GTF2H3: variants seen among roughly 807,000 people sequenced by gnomAD.
GTF2H3 encodes TFIIH basal transcription factor complex p34 subunit.
GTF2H3 carries 42 observed loss-of-function variants against 51.1 expected under a neutral mutation model. The ratio of observed to expected loss-of-function variants is 0.82; its 90% confidence interval spans 0.64 to 1.06. The LOEUF is 1.06. GTF2H3 is among the 50% of genes least tolerant of loss of function. The pLI is 0.00. For missense variants in GTF2H3, 326 were observed against 366.1 expected (o/e 0.89, Z 0.89); for synonymous variants, 123 against 123.8 (o/e 0.99, Z 0.04).
chr12:123,652,621 T>C (rs1593808878), intron 6 of GTF2H3, 60 bp downstream of exon 6: 2 of 1,509,766 alleles, frequency 1.3e-6, no homozygotes, highest in East Asian at 4.6e-5. Flanking sequence ...AGTATTTCTT[T>C]ACTAGACTGT....
chr12:123,650,913 C>T lies in GTF2H3; in HGVS notation c.365-81C>T, dbSNP rs11572967. The T allele has an allele frequency of 1.8e-4, 153 of 837,748 alleles. 1 individual carries two copies. In the African/African-American group the frequency reaches 2.2e-3, roughly 12 times the overall value. The allele number at this position is 837,748 out of a possible 1,614,324, so 51.9% of individuals were successfully genotyped here. ...AAGAATGCTTTGGTGTGAAAGCATA[C>T]TTAGTTCAATAAAGCACCCAATGAT... On this transcript the variant is annotated intron_variant, in intron 4 of 12. Coordinates refer to ENST00000543341, the MANE Select transcript of GTF2H3 (RefSeq NM_001516.5).
chr12:123,643,034 G>T (rs932680825), intron 2 of GTF2H3, among the ~76,000 whole-genome samples: 1 of 152,086 alleles, frequency 6.6e-6, no homozygotes, highest in African/African-American at 2.4e-5. Context: ...ACCATGCCCA[G>T]CTAATTTTTT....
Position 123,633,869 on chromosome 12 carries a change from G to A in GTF2H3, c.10G>A (p.Asp4Asn). Residue 4 changes from aspartate (D) to asparagine (N), a missense_variant, in exon 1 of 13, where the codon GAC becomes AAC. Asp to Asn is a conservative substitution (Grantham distance 23, BLOSUM62 1). Transcript: ENST00000543341. Reference sequence around the variant, plus strand: ...AGGTGCTGGGACAGCCATGGTTTCAGACGGTGAGGACCCTGCAGGGCGGGA... The same window carrying A: ...AGGTGCTGGGACAGCCATGGTTTCAAACGGTGAGGACCCTGCAGGGCGGGA... MVSDEDELNLLVIV... is the reference protein window; with the variant it reads MVSNEDELNLLVIV... The A allele has an allele frequency of 8.1e-6, 13 of 1,613,528 alleles. No individual in the cohort carries two copies. Among genetic ancestry groups the A allele is most frequent in the Non-Finnish European group, 1.1e-5 (13 of 1,180,022 alleles).
chr12:123,655,665 T>C, intron 8 of GTF2H3, 106 bp from the exon 9 acceptor site: 1 of 699,068 alleles, frequency 1.4e-6, no homozygotes, highest in Admixed American at 2.2e-5. Context: ...ACGTTGCATA[T>C]TGAGTGAGCT....
At position 123,654,911 on chromosome 12, in the gene GTF2H3, CTG is replaced by C. The variant is rs781144207; in HGVS notation, c.487-10_487-9del. ...ATGTGCCTGGGTGGAATTAACATGACTGTGATTTTTAGGTGATTAAGGCTGCA... is the reference window on the plus strand; with the variant it reads ...ATGTGCCTGGGTGGAATTAACATGACTGATTTTTAGGTGATTAAGGCTGCA... On this transcript the variant is annotated splice_polypyrimidine_tract_variant and intron_variant, in intron 7 of 12. Coordinates refer to ENST00000543341, the MANE Select transcript of GTF2H3 (RefSeq NM_001516.5). 1.9e-6 allele frequency: 3 copies of C among 1,598,458 alleles called. No homozygotes were observed. Among genetic ancestry groups the C allele is most frequent in the Non-Finnish European group, 2.6e-6 (3 of 1,165,810 alleles).
intron 7 of GTF2H3, 123 bp from the exon 8 acceptor site, chr12:123,654,801 A>G (rs1955566008): frequency 1.4e-6 from 1 of 710,820 alleles, no homozygotes; most frequent in Non-Finnish European, 2.6e-6. Context: ...GGTATCATTT[A>G]ACAATGATAA....
intron 9 of GTF2H3, 124 bp downstream of exon 9, chr12:123,655,948 T>G: frequency 1.6e-6 from 1 of 623,898 alleles, no homozygotes; most frequent in Non-Finnish European, 2.8e-6. Context: ...TCAGCCTAAT[T>G]TTATCTATGT....
intron 4 of GTF2H3, 92 bp from the exon 5 acceptor site, chr12:123,650,902 G>A (rs1326053061): frequency 5.2e-6 from 4 of 763,848 alleles, no homozygotes; most frequent in Non-Finnish European, 9.2e-6. Context: ...ATGCTTTGGT[G>A]TGAAAGCATA....
At chr12:123,635,984 C>G (rs1003749994) in intron 1 of GTF2H3, among the ~76,000 whole-genome samples, 1 of 152,168 alleles carries the variant, frequency 6.6e-6, no homozygotes, top group African/African-American at 2.4e-5. Flanking sequence ...CCATATGTGA[C>G]TTAGGACAAG....
intron 2 of GTF2H3, among the ~76,000 whole-genome samples, chr12:123,642,934 G>A (rs1178257395): frequency 1.3e-5 from 2 of 152,122 alleles, no homozygotes; most frequent in African/African-American, 4.8e-5. Flanking sequence ...GAGTGCAGTG[G>A]TGCAATCTCG....
chr12:123,641,278 G>A (rs1209589333), intron 2 of GTF2H3, among the ~76,000 whole-genome samples: 1 of 150,474 alleles, frequency 6.6e-6, no homozygotes, highest in African/African-American at 2.5e-5. Flanking sequence ...CCAGGTCGGA[G>A]TGCAGTGGTG....
chr12:123,636,957 C>T (rs538807585), intron 1 of GTF2H3, among the ~76,000 whole-genome samples: 6 of 151,794 alleles, frequency 4.0e-5, no homozygotes, highest in South Asian at 2.1e-4. Flanking sequence ...TGGTAGTGCA[C>T]GCCTGTTGTC....
intron 1 of GTF2H3, 40 bp from the exon 2 acceptor site, chr12:123,639,224 A>G: frequency 1.1e-6 from 1 of 940,420 alleles, no homozygotes; most frequent in Non-Finnish European, 1.7e-6. Flanking sequence ...ATTTTTATGG[A>G]GCTAATGTTT....
chr12:123,652,439 G>C, intron 5 of GTF2H3, 93 bp from the exon 6 acceptor site: 2 of 727,826 alleles, frequency 2.7e-6, no homozygotes, highest in South Asian at 3.6e-5. Context: ...TAGATGCTGG[G>C]TTTATTTAAA....
At chr12:123,643,801 T>C (rs1955411000) in intron 2 of GTF2H3, among the ~76,000 whole-genome samples, 1 of 152,172 alleles carries the variant, frequency 6.6e-6, no homozygotes, top group Non-Finnish European at 1.5e-5. Flanking sequence ...TTAATAGATT[T>C]AAGTTTTTTT....
intron 3 of GTF2H3, among the ~76,000 whole-genome samples, chr12:123,647,593 T>C (rs940109880): frequency 1.3e-5 from 2 of 152,186 alleles, no homozygotes; most frequent in South Asian, 2.1e-4. Flanking sequence ...GAATTTGGTA[T>C]GAACCTGTTG....
intron 3 of GTF2H3, among the ~76,000 whole-genome samples, chr12:123,647,024 G>A (rs1955455908): frequency 6.6e-6 from 1 of 151,650 alleles, no homozygotes; most frequent in South Asian, 2.1e-4. Context: ...ATGGTGGCGG[G>A]CACCTGTAGT....
intron 10 of GTF2H3, 30 bp from the exon 11 acceptor site, chr12:123,659,765 A>G: frequency 1.2e-6 from 2 of 1,600,764 alleles, no homozygotes; most frequent in Non-Finnish European, 1.7e-6. Flanking sequence ...TGTTTTAAAT[A>G]AAAGTTTCTT....
intron 2 of GTF2H3, among the ~76,000 whole-genome samples, chr12:123,641,998 C>CAT (rs1251822956): frequency 2.1e-4 from 32 of 150,858 alleles, no homozygotes; most frequent in Middle Eastern, 3.6e-3. Flanking sequence ...GGATCACAGG[C>CAT]GCGTGCCACC....
Sources: allele counts gnomAD v4.1 joint callset (sites outside exome capture counted in the v4.1 genomes callset), GRCh38; gene constraint gnomAD v4.1.1; transcripts MANE v1.5; gene names NCBI Gene and HGNC (gene_info 2026-07-23, HGNC 2026-07-21).